The following PDE1C variants were observed in gnomAD, a reference collection of about 807,000 sequenced individuals.
PDE1C encodes phosphodiesterase 1C.
PDE1C carries 62 observed loss-of-function variants against 93.1 expected under a neutral mutation model. That is an observed-to-expected ratio of 0.67 (90% CI 0.54 to 0.82). PDE1C has a LOEUF of 0.82. PDE1C is among the 40% of genes least tolerant of loss of function. The pLI is 0.00. For synonymous variants in PDE1C, 325 were observed against 310.1 expected (o/e 1.05, Z -0.50); for missense variants, 742 against 884.6 (o/e 0.84, Z 2.04).
At position 31,755,560 on chromosome 7, in the gene PDE1C, A is replaced by G. The variant is rs148273132; in HGVS notation, c.1961-2007T>C. Among the ~76,000 whole-genome samples the G allele has an allele frequency of 9.4e-4, 121 of 129,016 alleles. 2 individuals are homozygous for G. In the East Asian group the frequency reaches 0.021, roughly 22 times the overall value. 84.6% of individuals were successfully genotyped at this position (129,016 alleles called of 152,430 possible). A position where few individuals can be genotyped will look rare whatever the true frequency, so the allele number is the denominator to read the frequency against. On this transcript the variant is annotated intron_variant, in intron 17 of 17. Transcript: ENST00000396191. ...CTGAAGCATCTTGTAGAGCCAGAAAATTTGAAGTGTTCAAAAAAAACAAAA... is the reference window on the plus strand; with the variant it reads ...CTGAAGCATCTTGTAGAGCCAGAAAGTTTGAAGTGTTCAAAAAAAACAAAA...
At chr7:32,349,886 C>T (rs1008921998) in intron 1 of PDE1C, among the ~76,000 whole-genome samples, 5 of 152,242 alleles carry the variant, frequency 3.3e-5, no homozygotes, top group Non-Finnish European at 1.5e-5. Flanking sequence ...CCTCAGCCTC[C>T]CAAAGTGCTG....
the PDE1C span, among the ~76,000 whole-genome samples, chr7:31,718,973 T>G: frequency 6.6e-6 from 1 of 152,174 alleles, no homozygotes; most frequent in Admixed American, 6.5e-5. Flanking sequence ...GTTACCAGCA[T>G]GGGACTGCCA....
the PDE1C span, chr7:31,695,622 G>A: frequency 1.1e-5 from 17 of 1,610,826 alleles, no homozygotes; most frequent in African/African-American, 2.7e-5. Context: ...TTCATACCAG[G>A]TAATGGACAA....
chr7:32,157,217 AC>A (rs57105397), intron 3 of PDE1C, among the ~76,000 whole-genome samples: 1,610 of 152,112 alleles, frequency 0.011, 32 homozygotes, highest in African/African-American at 0.036. Flanking sequence ...CTTCTCTTCA[AC>A]CCCCCTCCCT....
chr7:31,816,974 T>C (rs1434036464), intron 14 of PDE1C, among the ~76,000 whole-genome samples: 1 of 152,194 alleles, frequency 6.6e-6, no homozygotes, highest in Non-Finnish European at 1.5e-5. Context: ...TATGAAAAGA[T>C]TGGTTCACTC....
chr7:32,128,298 T>C (rs1020075238), intron 3 of PDE1C, among the ~76,000 whole-genome samples: 1 of 151,920 alleles, frequency 6.6e-6, no homozygotes, highest in African/African-American at 2.4e-5. Flanking sequence ...GAAATATTTA[T>C]ATGTAGTGGA....
chr7:32,183,695 G>A (rs771426409), intron 2 of PDE1C, among the ~76,000 whole-genome samples: 2 of 152,046 alleles, frequency 1.3e-5, no homozygotes, highest in South Asian at 2.1e-4. Flanking sequence ...AACCATAAAA[G>A]CCCTAGAAGA....
At chr7:31,891,548 C>T (rs532518887) in intron 2 of PDE1C, among the ~76,000 whole-genome samples, 15 of 152,174 alleles carry the variant, frequency 9.9e-5, no homozygotes, top group Admixed American at 7.9e-4. Flanking sequence ...TGAGACAGTT[C>T]TCATGGGAAT....
At chr7:31,949,696 G>C (rs888531044) in intron 2 of PDE1C, among the ~76,000 whole-genome samples, 4 of 152,052 alleles carry the variant, frequency 2.6e-5, no homozygotes, top group Admixed American at 6.6e-5. Context: ...TGGATTGAGA[G>C]CTTTTGAATG....
chr7:31,624,736 C>T, the PDE1C span, among the ~76,000 whole-genome samples: 1 of 151,216 alleles, frequency 6.6e-6, no homozygotes, highest in African/African-American at 2.4e-5. Flanking sequence ...TCTAAAACAC[C>T]AAAAGCAATG....
chr7:31,663,834 T>C, the PDE1C span, among the ~76,000 whole-genome samples: 2 of 152,324 alleles, frequency 1.3e-5, no homozygotes, highest in African/African-American at 4.8e-5. Context: ...TTTGGGAAAT[T>C]TTCAACCATT....
the PDE1C span, among the ~76,000 whole-genome samples, chr7:31,737,049 C>T: frequency 2.6e-5 from 4 of 152,326 alleles, no homozygotes; most frequent in Non-Finnish European, 4.4e-5. Flanking sequence ...CTCCTGGGCT[C>T]AGGTGATTCT....
At chr7:32,013,154 G>A (rs1787392921) in intron 2 of PDE1C, among the ~76,000 whole-genome samples, 1 of 152,092 alleles carries the variant, frequency 6.6e-6, no homozygotes, top group African/African-American at 2.4e-5. Context: ...GCTCTGATAA[G>A]GTAAAGAGTG....
At chr7:32,209,176 G>T (rs1418909781) in intron 2 of PDE1C, among the ~76,000 whole-genome samples, 2 of 152,200 alleles carry the variant, frequency 1.3e-5, no homozygotes, top group African/African-American at 4.8e-5. Context: ...CTGAAGGGGT[G>T]GTCGGGGGAC....
At chr7:31,999,239 A>T (rs1785149735) in intron 2 of PDE1C, among the ~76,000 whole-genome samples, 1 of 152,172 alleles carries the variant, frequency 6.6e-6, no homozygotes, top group Non-Finnish European at 1.5e-5. Context: ...AGACCTAAGC[A>T]TAAATTCAGG....
At chr7:31,866,974 C>T (rs1345312967) in intron 6 of PDE1C, among the ~76,000 whole-genome samples, 4 of 152,026 alleles carry the variant, frequency 2.6e-5, no homozygotes. Context: ...TCCCACACAT[C>T]CCCTAACCCC....
intron 7 of PDE1C, among the ~76,000 whole-genome samples, chr7:31,859,220 A>C (rs1361510890): frequency 6.7e-6 from 1 of 149,702 alleles, no homozygotes. Flanking sequence ...ATATGTAAAC[A>C]GCCTATATAC....
chr7:31,816,398 A>G (rs924955292), intron 14 of PDE1C, among the ~76,000 whole-genome samples: 4 of 152,172 alleles, frequency 2.6e-5, no homozygotes, highest in African/African-American at 9.6e-5. Context: ...ATAATAATTA[A>G]TAAACCAATA....
chr7:31,637,356 G>A, the PDE1C span, among the ~76,000 whole-genome samples: 3 of 152,130 alleles, frequency 2.0e-5, no homozygotes, highest in Non-Finnish European at 2.9e-5. Flanking sequence ...CCCACCAACA[G>A]TGTAAAAGTG....
Sources: allele counts gnomAD v4.1 joint callset (sites outside exome capture counted in the v4.1 genomes callset), GRCh38; gene constraint gnomAD v4.1.1; transcripts MANE v1.5; gene names NCBI Gene and HGNC (gene_info 2026-07-23, HGNC 2026-07-21).